Variants in ZNF670 observed in about 807,000 individuals in gnomAD.
The protein encoded by ZNF670 is zinc finger protein 670.
ZNF670 carries 7 observed loss-of-function variants against 10.9 expected under a neutral mutation model. The ratio of observed to expected loss-of-function variants is 0.64; its 90% CI spans 0.36 to 1.20. ZNF670 has a LOEUF of 1.20. Ranked by LOEUF, ZNF670 falls within the 50% of genes most tolerant of loss-of-function variation. The probability of loss-of-function intolerance (pLI) is 0.02; values close to 1 mark genes in which losing one functional copy is unlikely to be tolerated. For synonymous variants in ZNF670, 136 were observed against 152.7 expected (o/e 0.89, Z 0.81); for missense variants, 446 against 458.6 (o/e 0.97, Z 0.25).
chr1:247,062,852 GGAA>G (rs199561207), intron 1 of ZNF670, among the ~76,000 whole-genome samples: 1,810 of 152,190 alleles, frequency 0.012, 18 homozygotes, highest in Middle Eastern at 0.048. Flanking sequence ...TCTGTCCTCC[GGAA>G]GAAGATGACC....
intron 1 of ZNF670, among the ~76,000 whole-genome samples, chr1:247,055,794 T>C (rs578146750): frequency 4.7e-4 from 71 of 151,966 alleles, no homozygotes; most frequent in African/African-American, 1.6e-3. Context: ...TCAAGACACA[T>C]ACAAACTGAA....
intron 1 of ZNF670, among the ~76,000 whole-genome samples, chr1:247,062,043 C>T (rs1182337435): frequency 2.6e-5 from 4 of 152,116 alleles, no homozygotes; most frequent in Admixed American, 6.5e-5. Flanking sequence ...TAGGGGTTGC[C>T]GATGGTTGTC....
chr1:247,069,947 TTA>T (rs1462383285), intron 1 of ZNF670, among the ~76,000 whole-genome samples: 1 of 152,076 alleles, frequency 6.6e-6, no homozygotes, highest in Non-Finnish European at 1.5e-5. Context: ...AACAGGATGA[TTA>T]TAGTCAGCAA....
intron 1 of ZNF670, among the ~76,000 whole-genome samples, chr1:247,045,986 T>C (rs1670436958): frequency 6.6e-6 from 1 of 152,154 alleles, no homozygotes; most frequent in African/African-American, 2.4e-5. Context: ...CCTAAGGATT[T>C]GTAGGAGGTT....
chr1:247,058,604 A>G (rs1007659247), intron 1 of ZNF670, among the ~76,000 whole-genome samples: 1 of 151,662 alleles, frequency 6.6e-6, no homozygotes, highest in African/African-American at 2.4e-5. Context: ...CATCAATATA[A>G]TTGATAAACC....
At chr1:247,051,970 T>C (rs1400743131) in intron 1 of ZNF670, among the ~76,000 whole-genome samples, 1 of 150,432 alleles carries the variant, frequency 6.6e-6, no homozygotes, top group Admixed American at 6.6e-5. Flanking sequence ...TGTTTGGAGA[T>C]TTTTTCGTCC....
intron 1 of ZNF670, among the ~76,000 whole-genome samples, chr1:247,063,577 CAAA>C (rs5782410): frequency 1.2e-3 from 109 of 93,220 alleles, no homozygotes; most frequent in African/African-American, 3.3e-3. Context: ...AGCGAGACAC[CAAA>C]AAAAAAAAAA....
intron 1 of ZNF670, among the ~76,000 whole-genome samples, chr1:247,049,317 C>T (rs568778777): frequency 1.3e-5 from 2 of 152,136 alleles, no homozygotes; most frequent in South Asian, 2.1e-4. Context: ...CTGCCCACCT[C>T]GGCTTCCCAA....
In ZNF670 at chr1:247,036,882, A is replaced by ACACACACACACACT. The variant is rs1670165571; in HGVS notation, c.*566_*567insAGTGTGTGTGTGTG. On this transcript the variant is annotated 3_prime_UTR_variant, in exon 4 of 4. Transcript: ENST00000366503. ...ATAAAAAGGTAGAATACACACACAC[A>ACACACACACACACT]CACACACACACACACACACACATGA... 2.6e-5 allele frequency: 4 copies of ACACACACACACACT among 151,370 alleles called. No individual in the cohort carries two copies. The highest frequency in any genetic ancestry group is 6.8e-5 in the Admixed American group (1 of 14,760). The allele number at this position is 151,370 out of a possible 1,614,324, so 9.4% of individuals were successfully genotyped here.
At chr1:247,062,285 AG>A (rs1670876891) in intron 1 of ZNF670, among the ~76,000 whole-genome samples, 2 of 152,204 alleles carry the variant, frequency 1.3e-5, no homozygotes, top group African/African-American at 4.8e-5. Flanking sequence ...GACTGAGTAA[AG>A]GTCCTAGAAT....
intron 1 of ZNF670, among the ~76,000 whole-genome samples, chr1:247,071,340 A>C (rs1483514298): frequency 2.0e-5 from 3 of 152,254 alleles, no homozygotes; most frequent in Non-Finnish European, 4.4e-5. Context: ...ATGTAGTTGG[A>C]GGCCATTATC....
At position 247,060,147 on chromosome 1, in the gene ZNF670, G is replaced by C. The variant is rs1211810244; in HGVS notation, c.3+18447C>G. Reference sequence around the variant, plus strand: ...AGAAAATTTATTCTAACACCTATATGAAAAGCCAAAAGACCCAGATGGTAA... The same window carrying C: ...AGAAAATTTATTCTAACACCTATATCAAAAGCCAAAAGACCCAGATGGTAA... On this transcript the variant is annotated intron_variant, in intron 1 of 3. Coordinates refer to ENST00000366503, the MANE Select transcript of ZNF670 (RefSeq NM_033213.5). Among the ~76,000 whole-genome samples, 3 of 152,036 alleles carry C rather than the reference G, an allele frequency of 2.0e-5. No individual in the cohort carries two copies. In the East Asian group the frequency reaches 5.8e-4, roughly 29 times the overall value.
chr1:247,046,247 G>A (rs899522904), intron 1 of ZNF670, among the ~76,000 whole-genome samples: 25 of 152,300 alleles, frequency 1.6e-4, no homozygotes, highest in African/African-American at 5.8e-4. Flanking sequence ...GGGGAGCCAG[G>A]TGCCAACAGC....
intron 1 of ZNF670, among the ~76,000 whole-genome samples, chr1:247,052,137 TG>T (rs1221012412): frequency 6.6e-6 from 1 of 152,122 alleles, no homozygotes; most frequent in Admixed American, 6.5e-5. Flanking sequence ...GGGGAGCTTG[TG>T]TGATTTTTGA....
intron 1 of ZNF670, among the ~76,000 whole-genome samples, chr1:247,061,342 G>A (rs1204206057): frequency 6.6e-6 from 1 of 151,846 alleles, no homozygotes; most frequent in African/African-American, 2.4e-5. Context: ...CACCACACCT[G>A]GCTAATCTTT....
In ZNF670 at chr1:247,036,682, T is replaced by A. The variant is rs1384707604; in HGVS notation, c.*767A>T. 1 of 151,904 alleles carries A rather than the reference T, an allele frequency of 6.6e-6. No homozygotes were observed. The highest frequency in any genetic ancestry group is 1.5e-5 in the Non-Finnish European group (1 of 67,992). The allele number at this position is 151,904 out of a possible 1,614,324, so 9.4% of individuals were successfully genotyped here. On this transcript the variant is annotated 3_prime_UTR_variant, in exon 4 of 4. Coordinates refer to ENST00000366503, the MANE Select transcript of ZNF670 (RefSeq NM_033213.5). ...CCCTCTCTAAAAACATAACATTTTT[T>A]AAAAAAGTGAACTATGCAAGTAACA...
At chr1:247,050,949 C>T (rs976379658) in intron 1 of ZNF670, among the ~76,000 whole-genome samples, 13 of 151,576 alleles carry the variant, frequency 8.6e-5, no homozygotes, top group African/African-American at 2.9e-4. Context: ...TTTATAGGTC[C>T]TGTGAGGTTT....
intron 2 of ZNF670, 39 bp downstream of exon 2, chr1:247,039,372 G>A (rs751026835): frequency 2.1e-5 from 34 of 1,591,784 alleles, no homozygotes; most frequent in Middle Eastern, 1.9e-4. Context: ...AAACACTTGC[G>A]TTGTAATCAA....
chr1:247,040,519 A>G (rs970484221), intron 1 of ZNF670, among the ~76,000 whole-genome samples: 2 of 152,174 alleles, frequency 1.3e-5, no homozygotes, highest in Non-Finnish European at 1.5e-5. Flanking sequence ...CTAACAAAAA[A>G]AAAATGTCTA....
Sources: allele counts gnomAD v4.1 joint callset (sites outside exome capture counted in the v4.1 genomes callset), GRCh38; gene constraint gnomAD v4.1.1; transcripts MANE v1.5; gene names NCBI Gene and HGNC (gene_info 2026-07-23, HGNC 2026-07-21).